MED12L: variants seen among roughly 807,000 people sequenced by gnomAD.
The protein encoded by MED12L is mediator of RNA polymerase II transcription subunit 12-like protein.
MED12L carries 60 observed loss-of-function variants against 281.3 expected under a neutral mutation model. The ratio of observed to expected loss-of-function variants is 0.21; its 90% confidence interval spans 0.17 to 0.26. The LOEUF (loss-of-function observed/expected upper bound fraction) is 0.26. Ranked by LOEUF, MED12L falls within the 10% of genes least tolerant of loss-of-function variation. The pLI is 1.00. For missense variants in MED12L, 2,146 were observed against 2,680.9 expected (o/e 0.80, Z 4.41); for synonymous variants, 974 against 987.2 (o/e 0.99, Z 0.25).
intron 16 of MED12L, chr3:151,294,806 A>C (rs893449060): frequency 1.2e-6 from 2 of 1,614,162 alleles, no homozygotes; most frequent in East Asian, 2.2e-5. Context: ...AGAGTCCCCA[A>C]ATGGCTTGAC....
intron 16 of MED12L, chr3:151,337,319 T>C (rs770881434): frequency 1.3e-5 from 2 of 154,504 alleles, no homozygotes; most frequent in Non-Finnish European, 2.9e-5. Flanking sequence ...TATTATTCTT[T>C]GTGTATCCCA....
At position 151,334,192 on chromosome 3, in the gene MED12L, C is replaced by CTTTTTTTTTTTTTTTTTTTTTTTTT. The variant is rs71848482; in HGVS notation, c.2251-15864_2251-15863insTTTTTTTTTTTTTTTTTTTTTTTTT. Among the ~76,000 whole-genome samples, 116 of 99,418 alleles carry CTTTTTTTTTTTTTTTTTTTTTTTTT rather than the reference C, an allele frequency of 1.2e-3. 4 individuals are homozygous for CTTTTTTTTTTTTTTTTTTTTTTTTT. The highest frequency in any genetic ancestry group is 1.4e-3 in the Non-Finnish European group (75 of 51,928). 65.2% of individuals were successfully genotyped at this position (99,418 alleles called of 152,430 possible). ...GATGTTATGTGTTTTTTCTTTCTTT[C>CTTTTTTTTTTTTTTTTTTTTTTTTT]TTTCTTTTTTTTTTTGCCATTTCTA... is the stretch of plus-strand genomic sequence containing the variant. On this transcript the variant is annotated intron_variant, in intron 16 of 44. Coordinates refer to ENST00000687756, the MANE Select transcript of MED12L (RefSeq NM_001393769.1).
chr3:151,155,724 G>T (rs1406405993), intron 5 of MED12L, among the ~76,000 whole-genome samples: 1 of 152,184 alleles, frequency 6.6e-6, no homozygotes, highest in Admixed American at 6.5e-5. Flanking sequence ...AGCTGCTTTT[G>T]GGGGATTTTG....
At chr3:151,139,288 A>G (rs546210929) in intron 5 of MED12L, among the ~76,000 whole-genome samples, 3 of 152,236 alleles carry the variant, frequency 2.0e-5, no homozygotes, top group East Asian at 1.9e-4. Flanking sequence ...ATAATGAGCC[A>G]TTTCTCCAAG....
At chr3:151,406,944 C>T (rs946567691) in intron 39 of MED12L, among the ~76,000 whole-genome samples, 1 of 151,942 alleles carries the variant, frequency 6.6e-6, no homozygotes, top group African/African-American at 2.4e-5. Context: ...AGACTACAGG[C>T]ACGTGTCAGC....
At position 151,085,760 on chromosome 3, in the gene MED12L, C is replaced by T. The variant is rs951405446; in HGVS notation, c.-306C>T. On this transcript the variant is annotated 5_prime_UTR_variant, in exon 1 of 45. Coordinates refer to ENST00000687756, the MANE Select transcript of MED12L (RefSeq NM_001393769.1). ...ACGCCGGCGGCGAGCCGGCGTCGCT[C>T]GCCGCCCCCAGACAGTGGCAAACTT... is the stretch of plus-strand genomic sequence containing the variant. 6.6e-6 allele frequency: 1 copy of T among 152,048 alleles called. No individual in the cohort carries two copies. The allele number at this position is 152,048 out of a possible 1,614,324, so 9.4% of individuals were successfully genotyped here.
chr3:151,158,548 G>T (rs945025791), intron 6 of MED12L, 141 bp from the exon 7 acceptor site: 1 of 563,882 alleles, frequency 1.8e-6, no homozygotes. Context: ...GTTTTGTTTA[G>T]AATTTGGACT....
intron 8 of MED12L, among the ~76,000 whole-genome samples, chr3:151,161,721 A>T (rs1933285925): frequency 1.3e-5 from 2 of 152,240 alleles, no homozygotes; most frequent in Non-Finnish European, 2.9e-5. Context: ...TAATGCATAG[A>T]TTACAGAGCA....
At chr3:151,351,044 A>G (rs561124609) in intron 17 of MED12L, among the ~76,000 whole-genome samples, 6 of 152,234 alleles carry the variant, frequency 3.9e-5, no homozygotes, top group East Asian at 1.9e-4. Flanking sequence ...TGTTTACTCT[A>G]TGTAAACAAC....
At chr3:151,208,600 C>T (rs1466283257) in intron 16 of MED12L, among the ~76,000 whole-genome samples, 2 of 152,068 alleles carry the variant, frequency 1.3e-5, no homozygotes, top group East Asian at 3.9e-4. Context: ...GAGAATCGAA[C>T]CCTGGAGGTG....
intron 5 of MED12L, among the ~76,000 whole-genome samples, chr3:151,150,924 G>A (rs192363646): frequency 2.0e-5 from 3 of 152,260 alleles, no homozygotes; most frequent in Admixed American, 1.3e-4. Context: ...TTTGCCTAAA[G>A]GGCATGTTGT....
chr3:151,171,054 A>G (rs755513838), intron 11 of MED12L, among the ~76,000 whole-genome samples: 11 of 152,234 alleles, frequency 7.2e-5, no homozygotes, highest in Non-Finnish European at 1.0e-4. Flanking sequence ...TCTGCTGGCC[A>G]TATTCACTCA....
In MED12L at chr3:151,139,462, A is replaced by G. The variant is rs527873043; in HGVS notation, c.556+11478A>G. ...CTCATGTATGTACATATATTTATAAATATTTTTATATGTGATTGTGTTATC... is the reference window on the plus strand; with the variant it reads ...CTCATGTATGTACATATATTTATAAGTATTTTTATATGTGATTGTGTTATC... On this transcript the variant is annotated intron_variant, in intron 5 of 44. Coordinates refer to ENST00000687756, the MANE Select transcript of MED12L (RefSeq NM_001393769.1). Among the ~76,000 whole-genome samples the G allele has an allele frequency of 3.3e-5, 5 of 152,314 alleles. No homozygotes were observed. The South Asian group carries it at 1.0e-3, about 32-fold the overall frequency.
At chr3:151,230,208 T>A (rs1431466037) in intron 16 of MED12L, among the ~76,000 whole-genome samples, 1 of 152,288 alleles carries the variant, frequency 6.6e-6, no homozygotes, top group East Asian at 1.9e-4. Context: ...TCTCCTGACC[T>A]TGTGATCCGC....
At chr3:151,169,123 T>C (rs147016929) in intron 11 of MED12L, among the ~76,000 whole-genome samples, 20 of 135,658 alleles carry the variant, frequency 1.5e-4, no homozygotes, top group African/African-American at 4.9e-4. Context: ...TTTTTTTTTG[T>C]TTTTTTTTTT....
chr3:151,398,008 T>C (rs1715203015), intron 39 of MED12L, among the ~76,000 whole-genome samples: 1 of 152,170 alleles, frequency 6.6e-6, no homozygotes, highest in Non-Finnish European at 1.5e-5. Flanking sequence ...CCTTTTCTTA[T>C]GAGGTCAGAC....
chr3:151,101,111 A>C (rs191230005), intron 2 of MED12L, among the ~76,000 whole-genome samples: 1 of 152,218 alleles, frequency 6.6e-6, no homozygotes. Context: ...CAGTGACAGT[A>C]TCAGACCACA....
Position 151,416,317 on chromosome 3 carries a change from GCAGCCCCAGCAGCCC to G in MED12L, c.6318_6332del (p.Gln2107_Pro2111del), listed in dbSNP as rs759006092. ...CATTTTTACCCTCTTTCCAGATGCA[GCAGCCCCAGCAGCCC>G]CAGCCCCAGCAGCCTCCCCAGCCCC... is the stretch of plus-strand genomic sequence containing the variant. On this transcript the variant is annotated inframe_deletion, in exon 43 of 45. Coordinates refer to ENST00000687756, the MANE Select transcript of MED12L (RefSeq NM_001393769.1). 98 of 1,611,510 alleles carry G rather than the reference GCAGCCCCAGCAGCCC, an allele frequency of 6.1e-5. No individual in the cohort carries two copies. In the Admixed American group the frequency reaches 6.5e-4, roughly 11 times the overall value.
intron 16 of MED12L, among the ~76,000 whole-genome samples, chr3:151,245,670 A>T (rs1249808122): frequency 1.5e-5 from 2 of 131,962 alleles, no homozygotes; most frequent in East Asian, 4.3e-4. Flanking sequence ...ATCATACTGA[A>T]TGGGCAAAAA....
Sources: allele counts gnomAD v4.1 joint callset (sites outside exome capture counted in the v4.1 genomes callset), GRCh38; gene constraint gnomAD v4.1.1; transcripts MANE v1.5; gene names NCBI Gene and HGNC (gene_info 2026-07-23, HGNC 2026-07-21).